ARNT2: variants seen among roughly 807,000 people sequenced by gnomAD.
The protein encoded by ARNT2 is ARNT protein 2.
Under a neutral mutation model 91.7 loss-of-function variants are expected in ARNT2, and 36 were observed. The observed-to-expected ratio is 0.39, with a 90% confidence interval of 0.30 to 0.52. ARNT2 has a LOEUF of 0.52. Ranked by LOEUF, ARNT2 falls within the 20% of genes least tolerant of loss-of-function variation. ARNT2 has a pLI of 0.72. For missense variants in ARNT2, 775 were observed against 939.3 expected (o/e 0.83, Z 2.29); for synonymous variants, 365 against 347.1 (o/e 1.05, Z -0.57).
chr15:80,516,364 C>T (rs1430086624), intron 8 of ARNT2, among the ~76,000 whole-genome samples: 4 of 152,088 alleles, frequency 2.6e-5, no homozygotes, highest in Non-Finnish European at 4.4e-5. Flanking sequence ...TATTTTGATG[C>T]TGTGTTGTTT....
intron 1 of ARNT2, among the ~76,000 whole-genome samples, chr15:80,416,879 C>A (rs1439802550): frequency 1.3e-5 from 2 of 152,084 alleles, no homozygotes; most frequent in Non-Finnish European, 2.9e-5. Context: ...ATAGACAAGA[C>A]TAAGGAAAGA....
intron 8 of ARNT2, among the ~76,000 whole-genome samples, chr15:80,518,277 C>CTTTTTTTTTTTTTTT (rs56726705): frequency 9.0e-5 from 8 of 89,352 alleles, no homozygotes; most frequent in African/African-American, 1.8e-4. Context: ...TTTTTCTATT[C>CTTTTTTTTTTTTTTT]TTTTTTTTTT....
intron 1 of ARNT2, among the ~76,000 whole-genome samples, chr15:80,430,950 T>A (rs1895999073): frequency 6.6e-6 from 1 of 152,002 alleles, no homozygotes; most frequent in Admixed American, 6.6e-5. Context: ...ATGTACGTGG[T>A]GATGAACCAT....
intron 8 of ARNT2, among the ~76,000 whole-genome samples, chr15:80,534,600 T>G (rs921349476): frequency 1.3e-5 from 2 of 152,190 alleles, no homozygotes; most frequent in African/African-American, 4.8e-5. Context: ...TTAGCTTATT[T>G]TGGATGTCAT....
chr15:80,414,130 G>A (rs1470162546), intron 1 of ARNT2, among the ~76,000 whole-genome samples: 1 of 152,178 alleles, frequency 6.6e-6, no homozygotes, highest in Non-Finnish European at 1.5e-5. Flanking sequence ...TTGGGTGGCA[G>A]GACATGTGAG....
chr15:80,540,534 G>A (rs563566950), intron 8 of ARNT2, among the ~76,000 whole-genome samples: 12 of 152,142 alleles, frequency 7.9e-5, no homozygotes, highest in African/African-American at 1.4e-4. Context: ...GTAGGTACAC[G>A]TGCAGGTTTA....
chr15:80,461,634 C>T (rs1253353032), intron 3 of ARNT2, among the ~76,000 whole-genome samples: 4 of 152,004 alleles, frequency 2.6e-5, no homozygotes, highest in Non-Finnish European at 5.9e-5. Flanking sequence ...GGGTGTGCAT[C>T]ACCCCCTGCA....
chr15:80,477,619 C>T (rs908195414), intron 5 of ARNT2, among the ~76,000 whole-genome samples: 9 of 151,826 alleles, frequency 5.9e-5, no homozygotes, highest in African/African-American at 2.2e-4. Context: ...GTGTAGGTCT[C>T]TCCTCTGTGT....
At chr15:80,527,334 A>G (rs536063444) in intron 8 of ARNT2, among the ~76,000 whole-genome samples, 20 of 152,216 alleles carry the variant, frequency 1.3e-4, no homozygotes, top group Non-Finnish European at 2.5e-4. Context: ...TGTAGGGGAA[A>G]CATGCATGTA....
Position 80,470,323 on chromosome 15 carries a change from A to G in ARNT2, c.300A>G (p.Pro100=). The change falls in exon 4 of 19, where the codon CCA becomes CCG. Residue 100 remains proline (P), a synonymous_variant. Transcript: ENST00000303329. The stretch of plus-strand genomic sequence containing the variant: ...CATGCAGCGCACTGGCTCGGAAGCC[A>G]GACAAGCTCACCATCCTCCGCATGG... ...VPTCSALARK[P]DKLTILRMAV... The G allele has an allele frequency of 6.2e-7, 1 of 1,614,220 alleles. No homozygotes were observed. Among genetic ancestry groups the G allele is most frequent in the Non-Finnish European group, 8.5e-7 (1 of 1,180,042 alleles).
chr15:80,490,420 C>T (rs978787808), intron 5 of ARNT2, among the ~76,000 whole-genome samples: 1 of 152,230 alleles, frequency 6.6e-6, no homozygotes, highest in Non-Finnish European at 1.5e-5. Context: ...CCTGCAGCAG[C>T]TAGGAGAGGA....
At chr15:80,441,255 G>T in intron 1 of ARNT2, 1 of 985,352 alleles carries the variant, frequency 1.0e-6, no homozygotes, top group Non-Finnish European at 1.2e-6. Context: ...TTTCTCAGCA[G>T]AATACAAATG....
At chr15:80,563,830 C>T (rs1172575021) in intron 12 of ARNT2, among the ~76,000 whole-genome samples, 1 of 152,250 alleles carries the variant, frequency 6.6e-6, no homozygotes, top group Non-Finnish European at 1.5e-5. Flanking sequence ...CCTCACACCA[C>T]TTCCTGGCTG....
intron 8 of ARNT2, among the ~76,000 whole-genome samples, chr15:80,545,835 G>C (rs547688437): frequency 6.6e-6 from 1 of 152,346 alleles, no homozygotes; most frequent in South Asian, 2.1e-4. Context: ...AGTAGCAGCA[G>C]CCTGCTCAGG....
intron 8 of ARNT2, among the ~76,000 whole-genome samples, chr15:80,527,390 T>G (rs1897655656): frequency 6.6e-6 from 1 of 152,154 alleles, no homozygotes; most frequent in Non-Finnish European, 1.5e-5. Flanking sequence ...GGCTTTTCCT[T>G]GCTACACACT....
At position 80,557,784 on chromosome 15, in the gene ARNT2, C is replaced by T. The variant is rs78813800; in HGVS notation, c.1164+2645C>T. Among the ~76,000 whole-genome samples the T allele has an allele frequency of 9.0e-3, 1,364 of 152,268 alleles. 32 individuals carry two copies. The highest frequency in any genetic ancestry group is 0.031 in the African/African-American group (1,295 of 41,548). On this transcript the variant is annotated intron_variant, in intron 11 of 18. Coordinates refer to ENST00000303329, the MANE Select transcript of ARNT2 (RefSeq NM_014862.4). ...TTTCTTCTTTCCTACCCCCCTGAAC[C>T]AGATCACCCCATCTCCCATTCTGAC... is the stretch of plus-strand genomic sequence containing the variant.
Position 80,574,217 on chromosome 15 carries a change from C to T in ARNT2, c.1386C>T (p.Ser462=). 1 of 1,614,014 alleles carries T rather than the reference C, an allele frequency of 6.2e-7. No homozygotes were observed. The highest frequency in any genetic ancestry group is 1.1e-5 in the South Asian group (1 of 91,070). ...QRDGLSSYDL[S]QVPVPNLPAG... Reference sequence around the variant, plus strand: ...ATGGATTGTCATCGTATGACTTATCCCAGGTGAGTTTCTGGAAAACCCTTT... The same window carrying T: ...ATGGATTGTCATCGTATGACTTATCTCAGGTGAGTTTCTGGAAAACCCTTT... The change falls in exon 13 of 19, where the codon TCC becomes TCT. Residue 462 remains serine (S), a synonymous_variant. Coordinates refer to ENST00000303329, the MANE Select transcript of ARNT2 (RefSeq NM_014862.4).
intron 17 of ARNT2, among the ~76,000 whole-genome samples, chr15:80,588,898 T>C (rs1893223781): frequency 6.6e-6 from 1 of 152,192 alleles, no homozygotes; most frequent in Non-Finnish European, 1.5e-5. Flanking sequence ...CCAACCATGC[T>C]ATATGCTTGT....
chr15:80,466,423 T>C (rs182964123), intron 3 of ARNT2, among the ~76,000 whole-genome samples: 102 of 152,348 alleles, frequency 6.7e-4, no homozygotes, highest in African/African-American at 2.4e-3. Context: ...GTCAATTCTG[T>C]GGAGTCCTGG....
Sources: gnomAD v4.1 joint callset for allele counts (sites outside exome capture counted in the v4.1 genomes callset) on GRCh38, gnomAD v4.1.1 for gene constraint, MANE v1.5 for transcripts, NCBI Gene and HGNC (gene_info 2026-07-23, HGNC 2026-07-21) for gene names.